The following TMEM132B variants were observed in gnomAD, a reference collection of about 807,000 sequenced individuals.
TMEM132B encodes transmembrane protein 132B.
A neutral mutation model predicts 90.8 loss-of-function variants in TMEM132B; 18 were observed. The observed-to-expected ratio is 0.20, with a 90% confidence interval of 0.14 to 0.29. The LOEUF is 0.29. Among genes scored for constraint, TMEM132B ranks in the 10% least tolerant of loss-of-function variants. The probability of loss-of-function intolerance (pLI) is 1.00; values close to 1 mark genes in which losing one functional copy is unlikely to be tolerated. For synonymous variants in TMEM132B, 504 were observed against 523.3 expected, an observed-to-expected ratio of 0.96 and a Z score of 0.50; for missense variants, 1,096 against 1,326.8, an observed-to-expected ratio of 0.83 and a Z score of 2.70.
At chr12:125,517,394 A>G (rs1245248850) in intron 3 of TMEM132B, among the ~76,000 whole-genome samples, 2 of 121,682 alleles carry the variant, frequency 1.6e-5, no homozygotes, top group East Asian at 2.5e-4. Flanking sequence ...GGGTTTCACT[A>G]TGTTAGCCAG....
At chr12:125,260,397 C>A (rs1314304626) in intron 1 of TMEM132B, among the ~76,000 whole-genome samples, 4 of 152,098 alleles carry the variant, frequency 2.6e-5, no homozygotes, top group Non-Finnish European at 5.9e-5. Flanking sequence ...TAGAGTCTTG[C>A]TGTGTCAACC....
intron 5 of TMEM132B, among the ~76,000 whole-genome samples, chr12:125,600,338 C>T (rs1885540721): frequency 6.6e-6 from 1 of 152,186 alleles, no homozygotes; most frequent in Admixed American, 6.5e-5. Flanking sequence ...TGGCCAGTCC[C>T]TGCTTTGACT....
At position 125,256,375 on chromosome 12, in the gene TMEM132B, C is replaced by T. The variant is rs147970870; in HGVS notation, c.67+69509C>T. ...AGGGGTGGTCAGGGGAGCCGGTAAA[C>T]TTGCTTTCAGGTCTGTTGGTGCTTG... On this transcript the variant is annotated intron_variant, in intron 1 of 8. Transcript: ENST00000682704. Among the ~76,000 whole-genome samples, 812 of 152,320 alleles carry T rather than the reference C, an allele frequency of 5.3e-3. 3 individuals are homozygous for T. Among genetic ancestry groups the T allele is most frequent in the Non-Finnish European group, 8.7e-3 (593 of 68,022 alleles).
chr12:125,330,790 G>A (rs1251977578), intron 1 of TMEM132B, among the ~76,000 whole-genome samples: 1 of 152,230 alleles, frequency 6.6e-6, no homozygotes, highest in Non-Finnish European at 1.5e-5. Context: ...GCCTAACCAA[G>A]CTGCACTTGG....
chr12:125,518,329 G>A (rs1385228108), intron 3 of TMEM132B, among the ~76,000 whole-genome samples: 2 of 152,186 alleles, frequency 1.3e-5, no homozygotes, highest in African/African-American at 4.8e-5. Flanking sequence ...CTCCACACAG[G>A]TTGTGAGTTT....
chr12:125,599,692 T>C (rs1286779322), intron 5 of TMEM132B, among the ~76,000 whole-genome samples: 2 of 152,144 alleles, frequency 1.3e-5, no homozygotes, highest in South Asian at 2.1e-4. Flanking sequence ...TTGTTTTAGA[T>C]GTTAAAGGTT....
chr12:125,469,892 G>T (rs184376667), intron 3 of TMEM132B, among the ~76,000 whole-genome samples: 1 of 152,262 alleles, frequency 6.6e-6, no homozygotes, highest in East Asian at 1.9e-4. Flanking sequence ...ACACCAGATG[G>T]TTCTCTGGTG....
At chr12:125,444,564 G>A (rs1880953544) in intron 3 of TMEM132B, among the ~76,000 whole-genome samples, 3 of 152,120 alleles carry the variant, frequency 2.0e-5, no homozygotes, top group Admixed American at 2.0e-4. Flanking sequence ...TCCCTTAGAT[G>A]CATTCCAAGA....
chr12:125,349,406 C>T lies in TMEM132B; in HGVS notation c.68-46C>T, dbSNP rs751534980. 7 of 1,548,884 alleles carry T rather than the reference C, an allele frequency of 4.5e-6. No individual in the cohort carries two copies. Among genetic ancestry groups the T allele is most frequent in the South Asian group, 3.8e-5 (3 of 78,554 alleles). On this transcript the variant is annotated intron_variant, in intron 1 of 8. Coordinates refer to ENST00000682704, the MANE Select transcript of TMEM132B (RefSeq NM_001366854.1). The surrounding 1 kb of genome is among the most constrained non-coding windows in gnomAD (Gnocchi z 4.1). ...AGACTGCACTGCATTTATTTCATTA[C>T]ATCTCAGAACACGGTTTTATTCTTT...
intron 5 of TMEM132B, chr12:125,622,473 C>G: frequency 2.0e-6 from 2 of 985,414 alleles, no homozygotes; most frequent in Non-Finnish European, 2.4e-6. Flanking sequence ...TCCAACCAAC[C>G]TTTCCTGTGC....
intron 1 of TMEM132B, among the ~76,000 whole-genome samples, chr12:125,245,165 GGTT>G (rs1401221627): frequency 6.6e-6 from 1 of 152,072 alleles, no homozygotes. Context: ...TCGTTTTATT[GGTT>G]GTTATTTTTC....
intron 5 of TMEM132B, among the ~76,000 whole-genome samples, chr12:125,617,965 AAAC>A (rs1184075610): frequency 6.6e-6 from 1 of 151,900 alleles, no homozygotes; most frequent in Non-Finnish European, 1.5e-5. Flanking sequence ...AAAAAAAAAA[AAAC>A]TCCATTATTT....
intron 1 of TMEM132B, among the ~76,000 whole-genome samples, chr12:125,237,134 G>A (rs1873954689): frequency 6.6e-6 from 1 of 152,216 alleles, no homozygotes. Context: ...GACACTGCCA[G>A]CAGCAGGCTT....
rs149357107 is a variant in TMEM132B at position 125,323,809 on chromosome 12, G to A, written c.68-25643G>A. The stretch of plus-strand genomic sequence containing the variant: ...GCTAGGATTACAGGCGTGAGCCACC[G>A]TACTGGGCTCCTTGTTTCTTAATGA... On this transcript the variant is annotated intron_variant, in intron 1 of 8. Coordinates refer to ENST00000682704, the MANE Select transcript of TMEM132B (RefSeq NM_001366854.1). 4.7e-3 allele frequency among the ~76,000 whole-genome samples: 718 copies of A among 152,312 alleles called. 7 individuals are homozygous for A. The highest frequency in any genetic ancestry group is 0.016 in the African/African-American group (673 of 41,562).
intron 4 of TMEM132B, among the ~76,000 whole-genome samples, chr12:125,554,150 G>A (rs1259612709): frequency 6.6e-6 from 1 of 152,032 alleles, no homozygotes; most frequent in African/African-American, 2.4e-5. Context: ...TAGGCCGGGC[G>A]CGGTGGCTCA....
intron 5 of TMEM132B, among the ~76,000 whole-genome samples, chr12:125,634,526 C>A (rs540092052): frequency 1.3e-5 from 2 of 152,322 alleles, no homozygotes; most frequent in Non-Finnish European, 2.9e-5. Context: ...TGGGAATGTG[C>A]TGAGTTTCAC....
intron 1 of TMEM132B, among the ~76,000 whole-genome samples, chr12:125,285,243 T>C (rs1248891669): frequency 2.0e-5 from 3 of 152,194 alleles, no homozygotes; most frequent in Admixed American, 1.3e-4. Context: ...TTAACCTTCC[T>C]AAGAACCGGG....
intron 3 of TMEM132B, among the ~76,000 whole-genome samples, chr12:125,464,829 C>T (rs1279098475): frequency 6.6e-6 from 1 of 152,194 alleles, no homozygotes; most frequent in Non-Finnish European, 1.5e-5. Context: ...GCATCAAGGG[C>T]ATGGGGTAAT....
At chr12:125,398,140 A>G (rs577471880) in intron 2 of TMEM132B, among the ~76,000 whole-genome samples, 1 of 152,244 alleles carries the variant, frequency 6.6e-6, no homozygotes, top group South Asian at 2.1e-4. Flanking sequence ...AGTGTTCTCC[A>G]TGGGAGAACT....
Sources: allele counts gnomAD v4.1 joint callset (sites outside exome capture counted in the v4.1 genomes callset), GRCh38; gene constraint gnomAD v4.1.1; non-coding constraint Gnocchi (gnomAD v3.1); transcripts MANE v1.5; gene names NCBI Gene and HGNC (gene_info 2026-07-23, HGNC 2026-07-21).